Variants in SORL1 observed in about 807,000 individuals in gnomAD.
SORL1 encodes sortilin related receptor 1.
SORL1 carries 127 observed loss-of-function variants against 273.7 expected under a neutral mutation model. That is an observed-to-expected ratio of 0.46 (90% CI 0.40 to 0.54). The LOEUF is 0.54. Ranked by LOEUF, SORL1 falls within the 20% of genes least tolerant of loss-of-function variation. SORL1 has a pLI of 0.00. For synonymous variants in SORL1, 1,031 were observed against 1,067.4 expected (o/e 0.97, Z 0.66); for missense variants, 2,494 against 2,846.1 (o/e 0.88, Z 2.81).
In SORL1 at chr11:121,532,547, G is replaced by A. The variant is rs753362630; in HGVS notation, c.1680G>A (p.Glu560=). 7 of 1,613,962 alleles carry A rather than the reference G, an allele frequency of 4.3e-6. No homozygotes were observed. Among genetic ancestry groups the A allele is most frequent in the Middle Eastern group, 1.6e-4 (1 of 6,062 alleles). The part of the protein sequence containing the change: ...TAIAQGMETN[E]LKYSTNEGET... Reference sequence around the variant, plus strand: ...TTGCCCAGGGCATGGAAACCAACGAGCTAAAGTAAGTGTCTCTGATGAGGC... The same window carrying A: ...TTGCCCAGGGCATGGAAACCAACGAACTAAAGTAAGTGTCTCTGATGAGGC... The change falls in exon 12 of 48, where the codon GAG becomes GAA. Residue 560 remains glutamate (E), a synonymous_variant. Transcript: ENST00000260197.
At chr11:121,474,281 C>G (rs1206764432) in intron 2 of SORL1, among the ~76,000 whole-genome samples, 1 of 151,640 alleles carries the variant, frequency 6.6e-6, no homozygotes, top group South Asian at 2.1e-4. Flanking sequence ...CCCATCCGGA[C>G]TTCTTGAATC....
At chr11:121,503,542 A>G (rs1861743328) in intron 6 of SORL1, among the ~76,000 whole-genome samples, 1 of 151,950 alleles carries the variant, frequency 6.6e-6, no homozygotes, top group Admixed American at 6.6e-5. Context: ...AGGCTGGAAT[A>G]TAGTGGCATG....
At chr11:121,551,615 C>G (rs1024830788) in intron 16 of SORL1, among the ~76,000 whole-genome samples, 2 of 152,216 alleles carry the variant, frequency 1.3e-5, no homozygotes, top group Non-Finnish European at 2.9e-5. Context: ...CTGGAGTTAA[C>G]TTCCGTCTGT....
chr11:121,604,330 T>C lies in SORL1; in HGVS notation c.4651+6T>C. On this transcript the variant is annotated splice_donor_region_variant and intron_variant, in intron 33 of 47. Coordinates refer to ENST00000260197, the MANE Select transcript of SORL1 (RefSeq NM_003105.6). ...CGATGAAAAGGCCTGCAGTGGTGAG[T>C]GCCGGTCCACGGGCTGGGCTGGGCT... is the stretch of plus-strand genomic sequence containing the variant. 2 of 1,599,868 alleles carry C rather than the reference T, an allele frequency of 1.3e-6. No individual in the cohort carries two copies. Among genetic ancestry groups the C allele is most frequent in the Non-Finnish European group, 1.7e-6 (2 of 1,171,520 alleles).
intron 40 of SORL1, among the ~76,000 whole-genome samples, chr11:121,613,541 C>CT (rs58079623): frequency 1.8e-4 from 26 of 147,050 alleles, no homozygotes; most frequent in East Asian, 5.9e-4. Context: ...TCTATTGTTA[C>CT]TTTTTTTTTT....
rs540623332 is a variant in SORL1, at chr11:121,523,777, C to T, written c.1596+788C>T. ...CTTGACAGGATGAGCACCTTGTCAT[C>T]GAGCAGCCCCGCAGGCTGGGCAGCC... On this transcript the variant is annotated intron_variant, in intron 11 of 47. Coordinates refer to ENST00000260197, the MANE Select transcript of SORL1 (RefSeq NM_003105.6). Among the ~76,000 whole-genome samples the T allele has an allele frequency of 7.9e-5, 12 of 152,240 alleles. No homozygotes were observed. In the South Asian group the frequency reaches 1.7e-3, roughly 21 times the overall value.
intron 45 of SORL1, among the ~76,000 whole-genome samples, chr11:121,623,175 A>G (rs531734034): frequency 6.6e-6 from 1 of 152,376 alleles, no homozygotes; most frequent in Admixed American, 6.5e-5. Context: ...ACAAAGCGGA[A>G]AATTCCAGCA....
At chr11:121,597,424 T>C (rs1025801440) in intron 32 of SORL1, among the ~76,000 whole-genome samples, 4 of 152,122 alleles carry the variant, frequency 2.6e-5, no homozygotes, top group Admixed American at 1.3e-4. Flanking sequence ...TGATCAGGTT[T>C]CTGGCAATAC....
At chr11:121,537,589 A>G (rs2134878257) in intron 12 of SORL1, among the ~76,000 whole-genome samples, 1 of 152,344 alleles carries the variant, frequency 6.6e-6, no homozygotes, top group East Asian at 1.9e-4. Flanking sequence ...TGGACATATT[A>G]CAATATCTGG....
Position 121,550,666 on chromosome 11 carries a change from GGCAGGT to G in SORL1, c.2263_2266+2del. On this transcript the variant is annotated splice_donor_variant and coding_sequence_variant, in exon 16 of 48. Transcript: ENST00000260197. LOFTEE classifies it high-confidence loss of function. The surrounding 1 kb of genome is among the most constrained non-coding windows in gnomAD (Gnocchi z 5.3). ...AAGGAGAGCTGGTCCCCTGTCCCCT[GGCAGGT>G]AAGAGAGGTGGTTTCTTCCCTTTCA... 1 of 1,613,142 alleles carries G rather than the reference GGCAGGT, an allele frequency of 6.2e-7. No homozygotes were observed. The highest frequency in any genetic ancestry group is 1.1e-5 in the South Asian group (1 of 91,050).
At chr11:121,481,881 T>C (rs1329899919) in intron 3 of SORL1, among the ~76,000 whole-genome samples, 1 of 145,448 alleles carries the variant, frequency 6.9e-6, no homozygotes, top group East Asian at 2.2e-4. Flanking sequence ...ATAGGCAGGC[T>C]TCATCTCCTC....
Position 121,543,405 on chromosome 11 carries a change from C to T in SORL1, c.1686-143C>T, listed in dbSNP as rs1198451355. 4 of 650,938 alleles carry T rather than the reference C, an allele frequency of 6.1e-6. No homozygotes were observed. The South Asian group carries it at 8.7e-5, about 14-fold the overall frequency. 40.3% of individuals were successfully genotyped at this position (650,938 alleles called of 1,614,324 possible). A position where few individuals can be genotyped will look rare whatever the true frequency, so the allele number is the denominator to read the frequency against. Reference sequence around the variant, plus strand: ...TGACTGCATTTATTTCTGAGCATTTCCTTAAACTTTCCCTGCCTTAGCCCA... The same window carrying T: ...TGACTGCATTTATTTCTGAGCATTTTCTTAAACTTTCCCTGCCTTAGCCCA... On this transcript the variant is annotated intron_variant, in intron 12 of 47. Coordinates refer to ENST00000260197, the MANE Select transcript of SORL1 (RefSeq NM_003105.6).
chr11:121,482,189 G>A (rs1276261056), intron 3 of SORL1, among the ~76,000 whole-genome samples: 1 of 152,188 alleles, frequency 6.6e-6, no homozygotes, highest in African/African-American at 2.4e-5. Flanking sequence ...GGAAGCACTG[G>A]ATCTGGAGAA....
chr11:121,590,532 C>G (rs1440989758), intron 30 of SORL1: 1 of 528,600 alleles, frequency 1.9e-6, no homozygotes, highest in Non-Finnish European at 3.4e-6. Flanking sequence ...TAATAAGCCC[C>G]CAGGTCCTGT....
chr11:121,607,267 G>A lies in SORL1; in HGVS notation c.5143G>A (p.Val1715Ile). 3 of 1,604,578 alleles carry A rather than the reference G, an allele frequency of 1.9e-6. No individual in the cohort carries two copies. The highest frequency in any genetic ancestry group is 1.3e-5 in the African/African-American group (1 of 74,868). The stretch of plus-strand genomic sequence containing the variant: ...CTTTACAGAAATCAAGAACTTATTG[G>A]TCAACACTCTATACACCGTCAGAGT... The part of the protein sequence containing the change: ...SNFTEIKNLL[V>I]NTLYTVRVAA... Residue 1715 changes from valine to isoleucine, a missense_variant, in exon 37 of 48, where the codon GTC becomes ATC. Physicochemically the swap from Val to Ile is conservative, Grantham distance 29 (BLOSUM62 3). Around this residue, in one of 3 missense-constraint regions of SORL1, gnomAD observed 1,609 missense variants for 1,816.4 expected, o/e 0.89. Transcript: ENST00000260197.
chr11:121,544,023 C>T (rs1591319689), intron 13 of SORL1, among the ~76,000 whole-genome samples: 1 of 152,142 alleles, frequency 6.6e-6, no homozygotes, highest in Non-Finnish European at 1.5e-5. Context: ...AAACATATTT[C>T]CAAATCAGCA....
In SORL1 at chr11:121,469,998, C is replaced by T. The variant is rs750011509; in HGVS notation, c.286-9C>T. 1.3e-6 allele frequency: 2 copies of T among 1,584,868 alleles called. No individual in the cohort carries two copies. Among genetic ancestry groups the T allele is most frequent in the East Asian group, 2.2e-5 (1 of 44,760 alleles). On this transcript the variant is annotated splice_polypyrimidine_tract_variant and intron_variant, in intron 1 of 47. Coordinates refer to ENST00000260197, the MANE Select transcript of SORL1 (RefSeq NM_003105.6). ...CGTGGGTCCTAATTCCTACATTGAT[C>T]TCTTTCAGGTTAGTCTGAATGATTC...
chr11:121,456,632 C>G (rs913262565), intron 1 of SORL1, among the ~76,000 whole-genome samples: 5 of 152,170 alleles, frequency 3.3e-5, no homozygotes, highest in African/African-American at 1.2e-4. Context: ...TTTACAGAAT[C>G]CTCCCTTTTA....
rs1863898572 is a variant in SORL1, at chr11:121,633,237, A to G, written c.*3674A>G. On this transcript the variant is annotated 3_prime_UTR_variant, in exon 48 of 48. Transcript: ENST00000260197. Reference sequence around the variant, plus strand: ...GGTTGAGGGAGGATGGGTTGTATGTATGTTTCTGCCCACTAATTTTGAGCA... The same window carrying G: ...GGTTGAGGGAGGATGGGTTGTATGTGTGTTTCTGCCCACTAATTTTGAGCA... 1 of 152,184 alleles carries G rather than the reference A, an allele frequency of 6.6e-6. No individual in the cohort carries two copies. The highest frequency in any genetic ancestry group is 2.4e-5 in the African/African-American group (1 of 41,448). The allele number at this position is 152,184 out of a possible 1,614,324, so 9.4% of individuals were successfully genotyped here.
Sources: gnomAD v4.1 joint callset for allele counts (sites outside exome capture counted in the v4.1 genomes callset) on GRCh38, gnomAD v4.1.1 for gene constraint, gnomAD v4.1.1 regional missense constraint, Gnocchi (gnomAD v3.1) non-coding constraint, MANE v1.5 for transcripts, NCBI Gene and HGNC (gene_info 2026-07-23, HGNC 2026-07-21) for gene names.